Variants in SYNE1 observed in about 807,000 individuals in gnomAD.
SYNE1 encodes the protein spectrin repeat containing nuclear envelope protein 1, also known as nesprin-1.
In SYNE1, 616 loss-of-function variants were observed where a neutral mutation model predicts 1,111.0. The observed-to-expected ratio is 0.55, with a 90% CI of 0.52 to 0.59. The LOEUF (loss-of-function observed/expected upper bound fraction) is 0.59, where lower values mean the gene tolerates loss of function less well. Ranked by LOEUF, SYNE1 falls within the 20% of genes least tolerant of loss-of-function variation. SYNE1 has a pLI of 0.00. For synonymous variants in SYNE1, 3,855 were observed against 3,825.8 expected, an observed-to-expected ratio of 1.01 and a Z score of -0.28; for missense variants, 10,006 against 10,417.0, an observed-to-expected ratio of 0.96 and a Z score of 1.72.
intron 126 of SYNE1, among the ~76,000 whole-genome samples, chr6:152,202,254 G>A (rs1252666340): frequency 6.8e-6 from 1 of 147,994 alleles, no homozygotes; most frequent in Non-Finnish European, 1.5e-5. Flanking sequence ...GGCTGAGGCA[G>A]GAGAATTGCT....
chr6:152,202,372 A>AAAAAAAAAAAAAAAAAAAAAGG (rs1563460366), intron 126 of SYNE1, among the ~76,000 whole-genome samples: 1 of 28,118 alleles, frequency 3.6e-5, no homozygotes, highest in Non-Finnish European at 6.9e-5. Flanking sequence ...AAAAAAAAGC[A>AAAAAAAAAAAAAAAAAAAAAGG]AAAAAAAAAA....
chr6:152,587,048 C>T (rs1474682370), intron 3 of SYNE1, among the ~76,000 whole-genome samples: 2 of 152,252 alleles, frequency 1.3e-5, no homozygotes, highest in East Asian at 3.9e-4. Flanking sequence ...TATTTTGGGA[C>T]CATTTCGCTT....
chr6:152,389,330 T>A (rs1326164891), intron 53 of SYNE1, among the ~76,000 whole-genome samples: 1 of 152,176 alleles, frequency 6.6e-6, no homozygotes, highest in Admixed American at 6.5e-5. Flanking sequence ...ATGACAGTTA[T>A]TTTTGCTGCT....
In SYNE1 at chr6:152,353,245, T is replaced by C; in HGVS notation, c.11253+18A>G. The C allele has an allele frequency of 6.2e-7, 1 of 1,614,118 alleles. No homozygotes were observed. Among genetic ancestry groups the C allele is most frequent in the Non-Finnish European group, 8.5e-7 (1 of 1,179,982 alleles). ...TGAACGGAAAGGTTGGATACAAATC[T>C]GAAGTATGCGTGCCTACCTCCAACG... On this transcript the variant is annotated intron_variant, in intron 69 of 145. Coordinates refer to ENST00000367255, the MANE Select transcript of SYNE1 (RefSeq NM_182961.4).
intron 130 of SYNE1, among the ~76,000 whole-genome samples, chr6:152,167,083 G>A (rs2153051588): frequency 6.6e-6 from 1 of 152,214 alleles, no homozygotes; most frequent in East Asian, 1.9e-4. Context: ...ACATGTCTGG[G>A]TAAGTTTAGC....
intron 42 of SYNE1, among the ~76,000 whole-genome samples, chr6:152,412,042 C>A (rs1323177712): frequency 6.6e-6 from 1 of 152,094 alleles, no homozygotes; most frequent in African/African-American, 2.4e-5. Context: ...TTATAATCAT[C>A]CAAACTGGAA....
intron 118 of SYNE1, 55 bp downstream of exon 118, chr6:152,221,371 T>C: frequency 1.3e-6 from 2 of 1,584,684 alleles, no homozygotes; most frequent in Non-Finnish European, 8.7e-7. Flanking sequence ...AATTATATCA[T>C]TATTTATAAT....
Position 152,302,025 on chromosome 6 carries a change from G to C in SYNE1, c.17385C>G (p.Ile5795Met). 1 of 1,614,254 alleles carries C rather than the reference G, an allele frequency of 6.2e-7. No homozygotes were observed. Among genetic ancestry groups the C allele is most frequent in the South Asian group, 1.1e-5 (1 of 91,090 alleles). Residue 5795 changes from isoleucine (I) to methionine (M), a missense_variant, in exon 92 of 146, where the codon ATC (isoleucine) becomes ATG (methionine). Physicochemically the swap from Ile to Met is conservative, Grantham distance 10 (BLOSUM62 1). Transcript: ENST00000367255. ...TCTTGCACTTGGAATTCAAAGAAGCGATCTGCTCCTGGTAGCCCTTAATTT... is the reference window on the plus strand; with the variant it reads ...TCTTGCACTTGGAATTCAAAGAAGCCATCTGCTCCTGGTAGCCCTTAATTT... Reference protein sequence around the residue: ...AQKIKGYQEQIASLNSKCKML... With the variant: ...AQKIKGYQEQMASLNSKCKML...
rs2059929761 is a variant in SYNE1 at position 152,148,777 on chromosome 6, A to T, written c.24643-399T>A. Among the ~76,000 whole-genome samples, 1 of 151,992 alleles carries T rather than the reference A, an allele frequency of 6.6e-6. No homozygotes were observed. The highest frequency in any genetic ancestry group is 6.5e-5 in the Admixed American group (1 of 15,272). ...GGAATAACATTAAAACATACTTCAA[A>T]TAATTAATATAAGATTAAATAAATA... On this transcript the variant is annotated intron_variant, in intron 136 of 145. Transcript: ENST00000367255. The surrounding 1 kb of genome is among the most constrained non-coding windows in gnomAD (Gnocchi z 4.1).
intron 30 of SYNE1, 132 bp from the exon 31 acceptor site, chr6:152,442,377 T>A: frequency 9.9e-7 from 1 of 1,012,760 alleles, no homozygotes; most frequent in Non-Finnish European, 1.5e-6. Flanking sequence ...AGATTAACAG[T>A]TGAAATGGTA....
intron 142 of SYNE1, 91 bp downstream of exon 142, chr6:152,135,013 A>G (rs1441056691): frequency 7.6e-6 from 12 of 1,577,342 alleles, no homozygotes; most frequent in Non-Finnish European, 8.7e-6. Flanking sequence ...AAAAAAAAAG[A>G]AACAACACTT....
chr6:152,184,278 G>T (rs1040133262), intron 128 of SYNE1, among the ~76,000 whole-genome samples: 1 of 151,832 alleles, frequency 6.6e-6, no homozygotes, highest in African/African-American at 2.4e-5. Flanking sequence ...ACTATTAAAA[G>T]AATACAAAAT....
intron 63 of SYNE1, among the ~76,000 whole-genome samples, chr6:152,364,412 C>T (rs1591165230): frequency 1.3e-5 from 2 of 151,732 alleles, no homozygotes; most frequent in Non-Finnish European, 2.9e-5. Flanking sequence ...CCTCCCAAGT[C>T]CACTACTTGG....
intron 81 of SYNE1, 32 bp downstream of exon 81, chr6:152,325,052 A>C: frequency 1.9e-6 from 3 of 1,610,232 alleles, no homozygotes; most frequent in Non-Finnish European, 2.5e-6. Flanking sequence ...TAGTGAGGAA[A>C]GAAAGGTGAG....
At chr6:152,450,568 C>T (rs1045843169) in intron 27 of SYNE1, 57 bp downstream of exon 27, 41 of 1,400,794 alleles carry the variant, frequency 2.9e-5, no homozygotes, top group South Asian at 2.5e-4. Context: ...TCATGATCTC[C>T]GAACTAACAG....
At chr6:152,556,526 G>T (rs2099365599) in intron 3 of SYNE1, among the ~76,000 whole-genome samples, 1 of 152,066 alleles carries the variant, frequency 6.6e-6, no homozygotes, top group Non-Finnish European at 1.5e-5. Context: ...CATGAACTCA[G>T]ACCAAAAGCC....
At chr6:152,590,207 G>A (rs919308683) in intron 3 of SYNE1, among the ~76,000 whole-genome samples, 2 of 151,336 alleles carry the variant, frequency 1.3e-5, no homozygotes, top group Non-Finnish European at 2.9e-5. Flanking sequence ...TGGGATTACA[G>A]GTGTGAGCTA....
At chr6:152,499,034 C>A (rs1299947473) in intron 10 of SYNE1, among the ~76,000 whole-genome samples, 1 of 152,016 alleles carries the variant, frequency 6.6e-6, no homozygotes, top group African/African-American at 2.4e-5. Flanking sequence ...TCATATGTAG[C>A]TATATATTTT....
At chr6:152,583,077 T>C (rs2099525873) in intron 3 of SYNE1, among the ~76,000 whole-genome samples, 1 of 152,222 alleles carries the variant, frequency 6.6e-6, no homozygotes, top group African/African-American at 2.4e-5. Flanking sequence ...ATAATTATTT[T>C]ATTGACAAAG....
Sources: gnomAD v4.1 joint callset for allele counts (sites outside exome capture counted in the v4.1 genomes callset) on GRCh38, gnomAD v4.1.1 for gene constraint, Gnocchi (gnomAD v3.1) non-coding constraint, MANE v1.5 for transcripts, NCBI Gene and HGNC (gene_info 2026-07-23, HGNC 2026-07-21) for gene names.